The following RBFOX1 variants were observed in gnomAD, a reference collection of about 807,000 sequenced individuals.
The protein encoded by RBFOX1 is RNA binding fox-1 homolog 1.
In RBFOX1, 8 loss-of-function variants were observed where a neutral mutation model predicts 57.7. The observed-to-expected ratio is 0.14, with a 90% CI of 0.08 to 0.25. The LOEUF (loss-of-function observed/expected upper bound fraction) is 0.25. Ranked by LOEUF, RBFOX1 falls within the 10% of genes least tolerant of loss-of-function variation. The probability of loss-of-function intolerance (pLI) is 1.00; values close to 1 mark genes in which losing one functional copy is unlikely to be tolerated. For synonymous variants in RBFOX1, 326 were observed against 222.4 expected (o/e 1.47, Z -4.15); for missense variants, 611 against 548.5 (o/e 1.11, Z -1.14).
chr16:6,908,242 T>G (rs1015839414), intron 3 of RBFOX1, among the ~76,000 whole-genome samples: 1 of 151,662 alleles, frequency 6.6e-6, no homozygotes, highest in Non-Finnish European at 1.5e-5. Context: ...CATTTCATCT[T>G]CTCTCCTCCA....
At chr16:5,456,950 C>T (rs1417735572) in intron 1 of RBFOX1, among the ~76,000 whole-genome samples, 1 of 152,148 alleles carries the variant, frequency 6.6e-6, no homozygotes, top group Admixed American at 6.5e-5. Context: ...TCCGTTTGGG[C>T]TGCTATAACA....
chr16:6,767,951 AAG>A (rs1392111660), intron 3 of RBFOX1, among the ~76,000 whole-genome samples: 13 of 71,842 alleles, frequency 1.8e-4, no homozygotes, highest in East Asian at 1.6e-3. Context: ...TAATAATAAG[AAG>A]AAGAAGAAGA....
chr16:5,365,553 C>T (rs1159827300), intron 1 of RBFOX1, among the ~76,000 whole-genome samples: 1 of 152,162 alleles, frequency 6.6e-6, no homozygotes, highest in East Asian at 1.9e-4. Context: ...CCTGTAGTCC[C>T]AGCTACTTGG....
At chr16:6,851,487 A>G (rs1194954020) in intron 3 of RBFOX1, among the ~76,000 whole-genome samples, 4 of 152,226 alleles carry the variant, frequency 2.6e-5, no homozygotes, top group South Asian at 2.1e-4. Context: ...ATTCCTTCAT[A>G]TAACAACTTA....
chr16:6,663,645 G>A (rs12924717), intron 3 of RBFOX1, among the ~76,000 whole-genome samples: 1 of 151,720 alleles, frequency 6.6e-6, no homozygotes, highest in African/African-American at 2.4e-5. Context: ...GACTCACAGA[G>A]TCCCCTGGGG....
intron 2 of RBFOX1, among the ~76,000 whole-genome samples, chr16:6,368,173 G>T (rs1419332019): frequency 2.0e-5 from 3 of 152,124 alleles, no homozygotes; most frequent in Non-Finnish European, 1.5e-5. Flanking sequence ...AGCTTCAAGG[G>T]ATTATGCATA....
chr16:7,116,566 A>C (rs776377047), intron 4 of RBFOX1, among the ~76,000 whole-genome samples: 1 of 152,214 alleles, frequency 6.6e-6, no homozygotes, highest in East Asian at 1.9e-4. Flanking sequence ...AAATGAGTCC[A>C]TTAAAGCTTA....
At chr16:7,014,339 A>G (rs1017540674) in intron 3 of RBFOX1, among the ~76,000 whole-genome samples, 3 of 151,858 alleles carry the variant, frequency 2.0e-5, no homozygotes, top group Admixed American at 6.6e-5. Context: ...CAGCCTCCCT[A>G]GTAGCCAGGA....
chr16:5,379,276 A>G (rs1274196042), intron 1 of RBFOX1, among the ~76,000 whole-genome samples: 2 of 151,560 alleles, frequency 1.3e-5, no homozygotes, highest in Non-Finnish European at 2.9e-5. Flanking sequence ...ATTCATTTTT[A>G]AAATATGAAA....
chr16:6,010,073 T>C (rs1387314967), intron 4 of RBFOX1, among the ~76,000 whole-genome samples: 2 of 152,008 alleles, frequency 1.3e-5, no homozygotes, highest in African/African-American at 4.8e-5. Flanking sequence ...AAGCTAACAG[T>C]TTCCCTTCTT....
At chr16:5,758,870 C>A (rs7205418) in intron 3 of RBFOX1, among the ~76,000 whole-genome samples, 60,878 of 151,962 alleles carry the variant, frequency 0.4, 12,491 homozygotes, top group East Asian at 0.62. Context: ...GTGGCAAAAG[C>A]GTGGCTGACC....
intron 3 of RBFOX1, among the ~76,000 whole-genome samples, chr16:5,793,949 T>A (rs964259183): frequency 1.3e-5 from 2 of 152,220 alleles, no homozygotes; most frequent in Non-Finnish European, 2.9e-5. Context: ...TGCTTCATTT[T>A]TTGGGAGAGT....
intron 4 of RBFOX1, among the ~76,000 whole-genome samples, chr16:7,113,367 G>A (rs1055553274): frequency 1.3e-5 from 2 of 151,962 alleles, no homozygotes; most frequent in Non-Finnish European, 2.9e-5. Context: ...AAGTCTTTCC[G>A]CAGTAAAGAT....
At chr16:7,579,696 C>T in intron 5 of RBFOX1, 81 bp from the exon 6 acceptor site, 1 of 1,549,628 alleles carries the variant, frequency 6.5e-7, no homozygotes, top group Non-Finnish European at 8.9e-7. Context: ...CTTTTCCTGC[C>T]ACTCATGGCA....
chr16:5,454,944 TTCCTTCCTTC>T (rs1236820437), intron 1 of RBFOX1, among the ~76,000 whole-genome samples: 223 of 52,594 alleles, frequency 4.2e-3, no homozygotes, highest in Middle Eastern at 0.016. Flanking sequence ...CCTTCCTTCC[TTCCTTCCTTC>T]CTTCCTTTCT....
At chr16:6,074,030 G>A (rs532656501) in intron 1 of RBFOX1, among the ~76,000 whole-genome samples, 1 of 151,982 alleles carries the variant, frequency 6.6e-6, no homozygotes, top group Non-Finnish European at 1.5e-5. Flanking sequence ...CTCACTGCAA[G>A]CTCCACCTCC....
intron 1 of RBFOX1, among the ~76,000 whole-genome samples, chr16:6,155,258 C>T (rs1206886605): frequency 1.3e-5 from 2 of 152,210 alleles, no homozygotes; most frequent in East Asian, 3.9e-4. Context: ...CCCTAGGAGA[C>T]TGAGACATGG....
chr16:5,377,292 C>A (rs1379782975), intron 1 of RBFOX1, among the ~76,000 whole-genome samples: 1 of 151,214 alleles, frequency 6.6e-6, no homozygotes, highest in African/African-American at 2.5e-5. Flanking sequence ...CTGCAGGATG[C>A]GGAGGGGTAG....
intron 2 of RBFOX1, among the ~76,000 whole-genome samples, chr16:6,634,376 A>T (rs990393497): frequency 2.6e-5 from 4 of 152,010 alleles, no homozygotes; most frequent in Non-Finnish European, 5.9e-5. Context: ...GACCTTGGGC[A>T]AAAAACCAAA....
Sources: gnomAD v4.1 joint callset for allele counts (sites outside exome capture counted in the v4.1 genomes callset) on GRCh38, gnomAD v4.1.1 for gene constraint, MANE v1.5 for transcripts, NCBI Gene and HGNC (gene_info 2026-07-23, HGNC 2026-07-21) for gene names.